MSANTD3: variants seen among roughly 807,000 people sequenced by gnomAD.
MSANTD3 encodes Myb/SANT DNA binding domain containing 3.
Under a neutral mutation model 27.7 loss-of-function variants are expected in MSANTD3, and 11 were observed. The observed-to-expected ratio is 0.40, with a 90% CI of 0.25 to 0.66. MSANTD3 has a LOEUF of 0.66. MSANTD3 is among the 30% of genes least tolerant of loss of function. MSANTD3 has a pLI of 0.41. For missense variants in MSANTD3, 250 were observed against 336.5 expected (o/e 0.74, Z 2.01); for synonymous variants, 131 against 127.2 (o/e 1.03, Z -0.20).
intron 1 of MSANTD3, among the ~76,000 whole-genome samples, chr9:100,439,398 A>G (rs1288365028): frequency 3.3e-5 from 5 of 152,222 alleles, no homozygotes; most frequent in African/African-American, 1.2e-4. Context: ...GAATTTTAAA[A>G]CATAACAAAG....
At chr9:100,446,787 A>G (rs1392121921) in intron 2 of MSANTD3, among the ~76,000 whole-genome samples, 1 of 151,504 alleles carries the variant, frequency 6.6e-6, no homozygotes, top group Non-Finnish European at 1.5e-5. Context: ...ATATTGCACC[A>G]CTGCACTCCA....
chr9:100,430,531 T>G (rs1836350569), intron 1 of MSANTD3, among the ~76,000 whole-genome samples: 1 of 152,084 alleles, frequency 6.6e-6, no homozygotes, highest in Admixed American at 6.6e-5. Context: ...CTTTTATCGT[T>G]TAGGCAGTGG....
chr9:100,441,499 C>T (rs995026294), intron 1 of MSANTD3, among the ~76,000 whole-genome samples: 7 of 151,900 alleles, frequency 4.6e-5, no homozygotes, highest in African/African-American at 1.7e-4. Context: ...ATTAGCCGGG[C>T]GTGGTGACAG....
In MSANTD3 at chr9:100,438,942, C is replaced by A. The variant is rs149037614; in HGVS notation, c.-33-2964C>A. ...GGAATTTAGCATTATAGGGACACAT[C>A]CCCAAAGATAAATGTCCGCTCATTT... On this transcript the variant is annotated intron_variant, in intron 1 of 2. Transcript: ENST00000395067. 1.4e-4 allele frequency among the ~76,000 whole-genome samples: 22 copies of A among 152,296 alleles called. No individual in the cohort carries two copies. In the East Asian group the frequency reaches 4.2e-3, roughly 29 times the overall value.
intron 2 of MSANTD3, among the ~76,000 whole-genome samples, chr9:100,443,667 C>A (rs1402352741): frequency 1.3e-5 from 2 of 152,094 alleles, no homozygotes; most frequent in Non-Finnish European, 2.9e-5. Flanking sequence ...ATGAAGGATG[C>A]AATGATAGTG....
intron 2 of MSANTD3, among the ~76,000 whole-genome samples, chr9:100,443,410 A>T (rs1836677158): frequency 6.6e-6 from 1 of 152,170 alleles, no homozygotes; most frequent in African/African-American, 2.4e-5. Context: ...AAAAAAAAAA[A>T]AAAGAACTAT....
chr9:100,449,303 C>G (rs901792747), intron 2 of MSANTD3: 1 of 949,796 alleles, frequency 1.1e-6, no homozygotes, highest in African/African-American at 1.8e-5. Context: ...ATATACTCTT[C>G]CCTTTATATT....
chr9:100,442,182 A>G lies in MSANTD3; in HGVS notation c.244A>G (p.Lys82Glu). 1 of 1,613,914 alleles carries G rather than the reference A, an allele frequency of 6.2e-7. No individual in the cohort carries two copies. Among genetic ancestry groups the G allele is most frequent in the Non-Finnish European group, 8.5e-7 (1 of 1,179,968 alleles). The change falls in exon 2 of 3, where the codon AAA (lysine) becomes GAA (glutamate). Residue 82 changes from lysine (K) to glutamate (E), a missense_variant. By Grantham distance (56) the Lys-to-Glu change is moderately conservative. Coordinates refer to ENST00000395067, the MANE Select transcript of MSANTD3 (RefSeq NM_080655.3). Reference sequence around the variant, plus strand: ...CTGGGAGAACATCAAGGCTCGGACCAAAAAAATTATGGCCCATGAAAGGAG... The same window carrying G: ...CTGGGAGAACATCAAGGCTCGGACCGAAAAAATTATGGCCCATGAAAGGAG... Reference protein sequence around the residue: ...KCWENIKARTKKIMAHERREK... With the variant: ...KCWENIKARTEKIMAHERREK...
chr9:100,434,694 C>G (rs1000506854), intron 1 of MSANTD3, among the ~76,000 whole-genome samples: 1 of 152,182 alleles, frequency 6.6e-6, no homozygotes, highest in African/African-American at 2.4e-5. Context: ...CAAATGTCCT[C>G]TTGTTCATGA....
In MSANTD3 at chr9:100,446,759, G is replaced by A. The variant is rs372530416; in HGVS notation, c.419-3798G>A. Among the ~76,000 whole-genome samples the A allele has an allele frequency of 5.9e-5, 9 of 151,780 alleles. No individual in the cohort carries two copies. In the East Asian group the frequency reaches 1.4e-3, roughly 23 times the overall value. ...GGAGAATTGCTTGAACCCTGGAGGC[G>A]GAGATTGCAGTGAGCCAATATTGCA... On this transcript the variant is annotated intron_variant, in intron 2 of 2. Coordinates refer to ENST00000395067, the MANE Select transcript of MSANTD3 (RefSeq NM_080655.3).
intron 1 of MSANTD3, among the ~76,000 whole-genome samples, chr9:100,432,412 G>T (rs1312394137): frequency 1.3e-5 from 2 of 152,140 alleles, no homozygotes; most frequent in East Asian, 3.8e-4. Context: ...TGGTTGTGAG[G>T]CTCTTAAAAC....
At chr9:100,438,168 T>C (rs1349390948) in intron 1 of MSANTD3, among the ~76,000 whole-genome samples, 1 of 152,212 alleles carries the variant, frequency 6.6e-6, no homozygotes, top group Admixed American at 6.5e-5. Context: ...GAGTGTGGCT[T>C]ACTTACCTCA....
intron 1 of MSANTD3, among the ~76,000 whole-genome samples, chr9:100,434,969 A>G (rs1587784593): frequency 7.0e-6 from 1 of 143,078 alleles, no homozygotes; most frequent in Non-Finnish European, 1.6e-5. Context: ...CACACACACC[A>G]TACACACACA....
chr9:100,445,223 C>G, intron 2 of MSANTD3: 1 of 1,605,240 alleles, frequency 6.2e-7, no homozygotes. Flanking sequence ...CTTTCTGGGA[C>G]TTGGTAGGAA....
At chr9:100,446,732 C>T (rs895562934) in intron 2 of MSANTD3, among the ~76,000 whole-genome samples, 14 of 151,370 alleles carry the variant, frequency 9.2e-5, no homozygotes, top group African/African-American at 2.4e-4. Flanking sequence ...GAGGCTGAGA[C>T]GGGAGAATTG....
chr9:100,434,979 A>ACACACACACACGTGCG (rs1836448094), intron 1 of MSANTD3, among the ~76,000 whole-genome samples: 1 of 152,072 alleles, frequency 6.6e-6, no homozygotes, highest in Non-Finnish European at 1.5e-5. Flanking sequence ...ATACACACAC[A>ACACACACACACGTGCG]CACACACACA....
intron 1 of MSANTD3, 107 bp downstream of exon 1, chr9:100,427,500 C>T (rs991811568): frequency 2.0e-5 from 3 of 150,616 alleles, no homozygotes; most frequent in Admixed American, 6.6e-5. Context: ...GTTTTCGGGC[C>T]GAGCCGCTGC....
Position 100,450,921 on chromosome 9 carries a change from A to G in MSANTD3, c.783A>G (p.Glu261=), listed in dbSNP as rs770899839. The G allele has an allele frequency of 1.2e-6, 2 of 1,610,734 alleles. No homozygotes were observed. The highest frequency in any genetic ancestry group is 8.5e-7 in the Non-Finnish European group (1 of 1,178,936). Residue 261 remains glutamate, a synonymous_variant, in exon 3 of 3, where the codon GAA becomes GAG. Transcript: ENST00000395067. ...GAAAACTACAAACTTTTACCAAGGA[A>G]TGGCCTGTTTCCTCATTTAACCGGC... is the stretch of plus-strand genomic sequence containing the variant. ...WERKLQTFTK[E]WPVSSFNRPF...
chr9:100,449,453 A>G (rs761058440), intron 2 of MSANTD3, among the ~76,000 whole-genome samples: 9 of 152,204 alleles, frequency 5.9e-5, no homozygotes, highest in Non-Finnish European at 8.8e-5. Flanking sequence ...AGAAGAGTAC[A>G]TATAAAGGAG....
Sources: allele counts gnomAD v4.1 joint callset (sites outside exome capture counted in the v4.1 genomes callset), GRCh38; gene constraint gnomAD v4.1.1; transcripts MANE v1.5; gene names NCBI Gene and HGNC (gene_info 2026-07-23, HGNC 2026-07-21).